Variants in EXT2 observed in about 807,000 individuals in gnomAD.
The protein encoded by EXT2 is exostosin glycosyltransferase 2, also known as exostosin-2.
In EXT2, 53 loss-of-function variants were observed where a neutral mutation model predicts 81.6. The observed-to-expected ratio is 0.65, with a 90% CI of 0.52 to 0.82. EXT2 has a LOEUF of 0.82. Ranked by LOEUF, EXT2 falls within the 40% of genes least tolerant of loss-of-function variation. EXT2 has a pLI of 0.00. For synonymous variants in EXT2, 320 were observed against 340.0 expected, an observed-to-expected ratio of 0.94 and a Z score of 0.65; for missense variants, 774 against 910.2, an observed-to-expected ratio of 0.85 and a Z score of 1.93.
chr11:44,140,566 T>C (rs1209352337), intron 7 of EXT2, among the ~76,000 whole-genome samples: 1 of 152,152 alleles, frequency 6.6e-6, no homozygotes, highest in African/African-American at 2.4e-5. Flanking sequence ...GGCCAGTGGT[T>C]TGATGGGAGC....
chr11:44,153,923 TG>T (rs1476868331), intron 7 of EXT2, among the ~76,000 whole-genome samples: 3 of 151,878 alleles, frequency 2.0e-5, no homozygotes, highest in South Asian at 2.1e-4. Context: ...TGGTTGTTGT[TG>T]TTTTTTTTTA....
Position 44,107,811 on chromosome 11 carries a change from C to T in EXT2, c.99C>T (p.Val33=). 6.2e-7 allele frequency: 1 copy of T among 1,614,160 alleles called. No homozygotes were observed. ...RIYYITLFSI[V]LLGLIATGMF... ...ACTATATCACCCTCTTCTCCATTGT[C>T]CTCCTGGGCCTCATTGCCACTGGCA... is the stretch of plus-strand genomic sequence containing the variant. Residue 33 remains valine (V), a synonymous_variant, in exon 2 of 14, where the codon GTC becomes GTT. Coordinates refer to ENST00000533608, the MANE Select transcript of EXT2 (RefSeq NM_207122.2).
intron 8 of EXT2, among the ~76,000 whole-genome samples, chr11:44,174,277 G>C (rs1955124139): frequency 1.3e-5 from 2 of 152,182 alleles, no homozygotes; most frequent in Admixed American, 1.3e-4. Flanking sequence ...TTGAATGCCT[G>C]CCTTGTTCCA....
intron 8 of EXT2, among the ~76,000 whole-genome samples, chr11:44,177,561 G>C (rs1011562809): frequency 6.6e-6 from 1 of 152,204 alleles, no homozygotes; most frequent in African/African-American, 2.4e-5. Flanking sequence ...TGTCACCAAA[G>C]CTATGTCCTC....
rs1028864025 is a variant in EXT2 at position 44,247,463 on chromosome 11, G to A, written c.*3176G>A. ...GGCAGGGTTTCACCACGTTAGCCAGGCTGGTCTCGAACTCCTGACCTCAGG... is the reference window on the plus strand; with the variant it reads ...GGCAGGGTTTCACCACGTTAGCCAGACTGGTCTCGAACTCCTGACCTCAGG... On this transcript the variant is annotated 3_prime_UTR_variant, in exon 14 of 14. Transcript: ENST00000533608. Among the ~76,000 whole-genome samples, 2 of 152,178 alleles carry A rather than the reference G, an allele frequency of 1.3e-5. No homozygotes were observed.
rs746977743 is a variant in EXT2 at position 44,108,086 on chromosome 11, C to A, written c.374C>A (p.Thr125Asn). The A allele has an allele frequency of 1.2e-6, 2 of 1,614,076 alleles. No homozygotes were observed. The highest frequency in any genetic ancestry group is 2.2e-5 in the East Asian group (1 of 44,898). ...GACTTTGGCGTCTCTGTCAGCAACA[C>A]CATCTCCCGGGAGTATAATGAACTG... ...VDDFGVSVSN[T>N]ISREYNELLM... The change falls in exon 2 of 14, where the codon ACC becomes AAC. Residue 125 changes from threonine (T) to asparagine (N), a missense_variant. Thr to Asn is a moderately conservative substitution (Grantham distance 65). Transcript: ENST00000533608.
chr11:44,193,193 A>G (rs1000507484), intron 8 of EXT2, among the ~76,000 whole-genome samples: 1 of 152,222 alleles, frequency 6.6e-6, no homozygotes, highest in Non-Finnish European at 1.5e-5. Flanking sequence ...TTGAAACATG[A>G]TAAGGTAAAG....
intron 1 of EXT2, among the ~76,000 whole-genome samples, chr11:44,105,824 T>C (rs978427484): frequency 3.3e-5 from 5 of 152,204 alleles, no homozygotes; most frequent in Non-Finnish European, 5.9e-5. Flanking sequence ...TCTCAGTCAA[T>C]AATGCTTATT....
At chr11:44,096,273 C>T (rs1953894320) in intron 1 of EXT2, 1 of 1,536,018 alleles carries the variant, frequency 6.5e-7, no homozygotes, top group African/African-American at 1.4e-5. Flanking sequence ...CCTCAGGGTC[C>T]GGTGGTGGCC....
chr11:44,173,826 C>T (rs1955114587), intron 8 of EXT2, among the ~76,000 whole-genome samples: 1 of 152,054 alleles, frequency 6.6e-6, no homozygotes, highest in Admixed American at 6.5e-5. Flanking sequence ...CTCGGCCTCC[C>T]AAAGTGCTGG....
intron 8 of EXT2, among the ~76,000 whole-genome samples, chr11:44,173,595 G>A (rs1327479373): frequency 1.1e-4 from 13 of 119,134 alleles, no homozygotes; most frequent in African/African-American, 4.0e-4. Flanking sequence ...TTGAGATGGA[G>A]TCTCGCTCTG....
chr11:44,166,740 G>C (rs988524785), intron 7 of EXT2, among the ~76,000 whole-genome samples: 8 of 152,092 alleles, frequency 5.3e-5, no homozygotes, highest in African/African-American at 1.9e-4. Flanking sequence ...TCACTCCCTT[G>C]CATAAATCCA....
rs1432150159 is a variant in EXT2 at position 44,250,600 on chromosome 11, CCCCAGT to C, written c.*6317_*6322del. Among the ~76,000 whole-genome samples the C allele has an allele frequency of 6.6e-6, 1 of 152,174 alleles. No individual in the cohort carries two copies. The highest frequency in any genetic ancestry group is 1.5e-5 in the Non-Finnish European group (1 of 68,036). On this transcript the variant is annotated 3_prime_UTR_variant, in exon 14 of 14. Coordinates refer to ENST00000533608, the MANE Select transcript of EXT2 (RefSeq NM_207122.2). The stretch of plus-strand genomic sequence containing the variant: ...GATTACCAAATGAGCAGTTCTCTTG[CCCCAGT>C]CCCTTTCCTGTGCTATAAATAAGCC...
intron 12 of EXT2, 37 bp downstream of exon 12, chr11:44,234,280 G>A (rs781265612): frequency 7.5e-6 from 12 of 1,597,748 alleles, no homozygotes; most frequent in Non-Finnish European, 1.0e-5. Context: ...TTGTGATCTT[G>A]GGCAAATATC....
intron 7 of EXT2, among the ~76,000 whole-genome samples, chr11:44,157,629 T>C (rs1187097047): frequency 1.3e-5 from 2 of 152,134 alleles, no homozygotes; most frequent in Non-Finnish European, 2.9e-5. Context: ...GGGGCAGCAG[T>C]CTCCCCTCTG....
chr11:44,210,971 A>G (rs529469901), intron 10 of EXT2, among the ~76,000 whole-genome samples: 29 of 152,250 alleles, frequency 1.9e-4, no homozygotes, highest in Non-Finnish European at 4.1e-4. Flanking sequence ...ACTGAAATGG[A>G]AACACATCAG....
intron 10 of EXT2, among the ~76,000 whole-genome samples, chr11:44,212,011 C>T (rs886357993): frequency 3.3e-5 from 5 of 152,018 alleles, no homozygotes; most frequent in Non-Finnish European, 5.9e-5. Flanking sequence ...ATAGGCTGGG[C>T]GCAGTGGCTC....
chr11:44,141,877 C>G (rs1053578522), intron 7 of EXT2, among the ~76,000 whole-genome samples: 4 of 152,182 alleles, frequency 2.6e-5, no homozygotes, highest in Non-Finnish European at 4.4e-5. Flanking sequence ...ACAAATATTT[C>G]TGAGAAATAA....
intron 1 of EXT2, among the ~76,000 whole-genome samples, chr11:44,098,506 A>G (rs150905901): frequency 3.6e-4 from 55 of 152,182 alleles, no homozygotes; most frequent in African/African-American, 1.2e-3. Flanking sequence ...GAGCCTGGCC[A>G]ACTTGGCAAA....
Sources: allele counts gnomAD v4.1 joint callset (sites outside exome capture counted in the v4.1 genomes callset), GRCh38; gene constraint gnomAD v4.1.1; transcripts MANE v1.5; gene names NCBI Gene and HGNC (gene_info 2026-07-23, HGNC 2026-07-21).